Variants in EBF1 observed in about 807,000 individuals in gnomAD.
EBF1 encodes EBF transcription factor 1, also known as transcription factor COE1.
In EBF1, 10 loss-of-function variants were observed where a neutral mutation model predicts 68.4. The ratio of observed to expected loss-of-function variants is 0.15; its 90% confidence interval spans 0.09 to 0.25. The LOEUF (loss-of-function observed/expected upper bound fraction) is 0.25, where lower values mean the gene tolerates loss of function less well. Ranked by LOEUF, EBF1 falls within the 10% of genes least tolerant of loss-of-function variation. The pLI is 1.00. For missense variants in EBF1, 509 were observed against 794.4 expected (o/e 0.64, Z 4.32); for synonymous variants, 298 against 299.8 (o/e 0.99, Z 0.06).
intron 6 of EBF1, among the ~76,000 whole-genome samples, chr5:159,055,856 C>G (rs1044699475): frequency 3.3e-5 from 5 of 152,052 alleles, no homozygotes; most frequent in African/African-American, 1.2e-4. Flanking sequence ...TGGGGCAGTC[C>G]CCAATCTGGG....
intron 6 of EBF1, among the ~76,000 whole-genome samples, chr5:158,873,888 C>T (rs1797326839): frequency 6.6e-6 from 1 of 152,192 alleles, no homozygotes; most frequent in Non-Finnish European, 1.5e-5. Context: ...CCACCACCAG[C>T]AGTATGCAGA....
intron 9 of EBF1, among the ~76,000 whole-genome samples, chr5:158,781,919 C>A (rs77343625): frequency 6.6e-6 from 1 of 152,114 alleles, no homozygotes; most frequent in Non-Finnish European, 1.5e-5. Flanking sequence ...CAGCTGCCCC[C>A]TTTGCCTATT....
chr5:158,847,765 G>A (rs752478359), intron 6 of EBF1, among the ~76,000 whole-genome samples: 19 of 152,316 alleles, frequency 1.2e-4, no homozygotes, highest in Non-Finnish European at 2.2e-4. Flanking sequence ...TGGAACTGGG[G>A]ACAGACTGAG....
At chr5:158,713,739 C>T (rs920447249) in intron 12 of EBF1, among the ~76,000 whole-genome samples, 2 of 152,278 alleles carry the variant, frequency 1.3e-5, no homozygotes, top group African/African-American at 2.4e-5. Flanking sequence ...CAGAAGCAGA[C>T]AATACTATTC....
At chr5:158,946,309 T>A (rs1814682854) in intron 6 of EBF1, among the ~76,000 whole-genome samples, 1 of 152,216 alleles carries the variant, frequency 6.6e-6, no homozygotes, top group Non-Finnish European at 1.5e-5. Context: ...TTTTTCCTCA[T>A]CTTCATGGAT....
intron 6 of EBF1, among the ~76,000 whole-genome samples, chr5:158,881,277 A>G (rs1270753004): frequency 6.6e-6 from 1 of 152,228 alleles, no homozygotes; most frequent in Non-Finnish European, 1.5e-5. Context: ...TTATGCTGAT[A>G]CAGTCAGACA....
At chr5:158,759,810 T>C (rs1771000199) in intron 10 of EBF1, among the ~76,000 whole-genome samples, 1 of 152,098 alleles carries the variant, frequency 6.6e-6, no homozygotes, top group Non-Finnish European at 1.5e-5. Context: ...ACAGGTGTCT[T>C]GGGGGCAAGA....
At chr5:158,712,049 A>T in intron 14 of EBF1, 105 bp downstream of exon 14, 1 of 1,376,330 alleles carries the variant, frequency 7.3e-7, no homozygotes, top group South Asian at 1.4e-5. Context: ...GGAGGGAAAG[A>T]TGGGGGGCCT....
chr5:158,859,851 T>A (rs1183534044), intron 6 of EBF1, among the ~76,000 whole-genome samples: 1 of 152,264 alleles, frequency 6.6e-6, no homozygotes, highest in Non-Finnish European at 1.5e-5. Flanking sequence ...CATCGGTCAC[T>A]TATTACCTTG....
chr5:158,704,621 CTTTT>C (rs767917753), intron 15 of EBF1, among the ~76,000 whole-genome samples: 1 of 151,298 alleles, frequency 6.6e-6, no homozygotes, highest in Non-Finnish European at 1.5e-5. Flanking sequence ...TGCCTTCATC[CTTTT>C]TTTCTTTTTT....
At chr5:158,766,195 C>G (rs1363971882) in intron 10 of EBF1, among the ~76,000 whole-genome samples, 2 of 152,112 alleles carry the variant, frequency 1.3e-5, no homozygotes, top group East Asian at 1.9e-4. Flanking sequence ...TTCCTCAAAA[C>G]AAGCCTTTTA....
rs183719962 is a variant in EBF1, at chr5:159,043,481, A to G, written c.554+29915T>C. ...CTGTAAAGTCTATGCAAAGTCTACAACAGTCTTCGCTTGGTACATAGTAGG... is the reference window on the plus strand; with the variant it reads ...CTGTAAAGTCTATGCAAAGTCTACAGCAGTCTTCGCTTGGTACATAGTAGG... On this transcript the variant is annotated intron_variant, in intron 6 of 15. Coordinates refer to ENST00000313708, the MANE Select transcript of EBF1 (RefSeq NM_024007.5). Among the ~76,000 whole-genome samples the G allele has an allele frequency of 2.5e-3, 385 of 152,306 alleles. 1 individual carries two copies. The highest frequency in any genetic ancestry group is 0.01 in the Middle Eastern group (3 of 294).
intron 10 of EBF1, among the ~76,000 whole-genome samples, chr5:158,741,301 A>T (rs1766336190): frequency 6.6e-6 from 1 of 152,192 alleles, no homozygotes; most frequent in African/African-American, 2.4e-5. Context: ...AAGGCTGGGC[A>T]CAGTGGCTCA....
chr5:159,031,656 G>A (rs1467340512), intron 6 of EBF1, among the ~76,000 whole-genome samples: 3 of 152,128 alleles, frequency 2.0e-5, no homozygotes, highest in East Asian at 1.9e-4. Context: ...AGCCCAAATC[G>A]AAAGGTCGCA....
chr5:158,764,477 T>C (rs548815781), intron 10 of EBF1, among the ~76,000 whole-genome samples: 2 of 152,204 alleles, frequency 1.3e-5, no homozygotes, highest in Admixed American at 6.6e-5. Context: ...TTTTAATGCA[T>C]TGATTTGACT....
At chr5:158,699,188 T>A in intron 15 of EBF1, 46 bp from the exon 16 acceptor site, 2 of 1,562,522 alleles carry the variant, frequency 1.3e-6, no homozygotes, top group Non-Finnish European at 1.7e-6. Flanking sequence ...GCGTTCAAAC[T>A]TCTCACTGAG....
Position 158,881,001 on chromosome 5 carries a change from AAAG to A in EBF1, c.555-40894_555-40892del, listed in dbSNP as rs59601916. 2.6e-4 allele frequency among the ~76,000 whole-genome samples: 40 copies of A among 152,282 alleles called. No homozygotes were observed. In the East Asian group the frequency reaches 3.3e-3, roughly 12 times the overall value. ...CAATGTTACATCACTTACAGACTGC[AAAG>A]AAGAAGAAGAGGGGAAAAAAAAACA... On this transcript the variant is annotated intron_variant, in intron 6 of 15. Coordinates refer to ENST00000313708, the MANE Select transcript of EBF1 (RefSeq NM_024007.5).
intron 6 of EBF1, among the ~76,000 whole-genome samples, chr5:158,881,516 T>TA (rs1315731411): frequency 6.6e-6 from 1 of 152,194 alleles, no homozygotes; most frequent in Non-Finnish European, 1.5e-5. Flanking sequence ...GGCTGTCTTT[T>TA]GTTTACGATC....
In EBF1 at chr5:158,916,217, G is replaced by T. The variant is rs1807163290; in HGVS notation, c.555-76107C>A. Among the ~76,000 whole-genome samples, 3 of 152,058 alleles carry T rather than the reference G, an allele frequency of 2.0e-5. No homozygotes were observed. In the South Asian group the frequency reaches 6.2e-4, roughly 32 times the overall value. ...TTCTTGTCCTTGAAACCTTAGTCAG[G>T]ATTCATGTGGCAGGACAAGTGACCC... is the stretch of plus-strand genomic sequence containing the variant. On this transcript the variant is annotated intron_variant, in intron 6 of 15. Transcript: ENST00000313708.
Sources: allele counts gnomAD v4.1 joint callset (sites outside exome capture counted in the v4.1 genomes callset), GRCh38; gene constraint gnomAD v4.1.1; transcripts MANE v1.5; gene names NCBI Gene and HGNC (gene_info 2026-07-23, HGNC 2026-07-21).